Variants in ARHGAP42 observed in about 807,000 individuals in gnomAD.
ARHGAP42 encodes the protein Rho GTPase activating protein 42, also known as rho GTPase-activating protein 42.
ARHGAP42 carries 63 observed loss-of-function variants against 125.0 expected under a neutral mutation model. The observed-to-expected ratio is 0.50, with a 90% CI of 0.41 to 0.62. The LOEUF (loss-of-function observed/expected upper bound fraction) is 0.62. ARHGAP42 is among the 20% of genes least tolerant of loss of function. The probability of loss-of-function intolerance (pLI) is 0.00; values close to 1 mark genes in which losing one functional copy is unlikely to be tolerated. For missense variants in ARHGAP42, 766 were observed against 1,024.2 expected (o/e 0.75, Z 3.44); for synonymous variants, 339 against 351.0 (o/e 0.97, Z 0.38).
intron 4 of ARHGAP42, among the ~76,000 whole-genome samples, chr11:100,884,986 C>T (rs1210278670): frequency 6.6e-6 from 1 of 152,120 alleles, no homozygotes; most frequent in Non-Finnish European, 1.5e-5. Flanking sequence ...GGGAGACTAA[C>T]CTCAGAACAC....
intron 17 of ARHGAP42, among the ~76,000 whole-genome samples, chr11:100,966,949 T>G (rs1858110965): frequency 6.6e-6 from 1 of 152,214 alleles, no homozygotes; most frequent in Admixed American, 6.5e-5. Flanking sequence ...TTGTTCATAA[T>G]TAGTAATAAC....
intron 2 of ARHGAP42, among the ~76,000 whole-genome samples, chr11:100,780,026 A>G (rs2135008478): frequency 6.6e-6 from 1 of 151,736 alleles, no homozygotes; most frequent in East Asian, 1.9e-4. Context: ...ACTCCATCTC[A>G]AAAACTAAAA....
chr11:100,779,445 C>CAAA (rs869248095), intron 2 of ARHGAP42, among the ~76,000 whole-genome samples: 42 of 54,402 alleles, frequency 7.7e-4, no homozygotes, highest in African/African-American at 1.2e-3. Context: ...GACTGCGTCT[C>CAAA]AAAAAAAAAA....
chr11:100,738,601 A>G (rs532059662), intron 1 of ARHGAP42: 40 of 152,338 alleles, frequency 2.6e-4, no homozygotes, highest in African/African-American at 7.7e-4. Flanking sequence ...AATGAGAGGT[A>G]TCATGATTTT....
intron 1 of ARHGAP42, among the ~76,000 whole-genome samples, chr11:100,701,905 T>A (rs1829962898): frequency 6.6e-6 from 1 of 152,142 alleles, no homozygotes; most frequent in Non-Finnish European, 1.5e-5. Flanking sequence ...TTTGCATTCA[T>A]AATTTGACTG....
chr11:100,756,342 G>C (rs999035790), intron 1 of ARHGAP42, among the ~76,000 whole-genome samples: 3 of 151,894 alleles, frequency 2.0e-5, no homozygotes, highest in Non-Finnish European at 4.4e-5. Context: ...AAGCTGCAGT[G>C]AGCAATGATC....
At chr11:100,739,194 T>C (rs1862127852) in intron 1 of ARHGAP42, among the ~76,000 whole-genome samples, 1 of 152,124 alleles carries the variant, frequency 6.6e-6, no homozygotes, top group African/African-American at 2.4e-5. Flanking sequence ...TTGAGATTCA[T>C]TAACTGGTTA....
At chr11:100,867,064 A>G (rs554306808) in intron 4 of ARHGAP42, among the ~76,000 whole-genome samples, 7 of 152,312 alleles carry the variant, frequency 4.6e-5, no homozygotes, top group East Asian at 1.9e-4. Context: ...GTAAACTACA[A>G]TGTAAAAAGA....
chr11:100,707,678 C>T (rs1426899426), intron 1 of ARHGAP42, among the ~76,000 whole-genome samples: 2 of 152,152 alleles, frequency 1.3e-5, no homozygotes, highest in East Asian at 1.9e-4. Context: ...GACATTTACT[C>T]GCATATTCAT....
At chr11:100,912,736 C>T (rs187333117) in intron 4 of ARHGAP42, among the ~76,000 whole-genome samples, 2 of 152,174 alleles carry the variant, frequency 1.3e-5, no homozygotes, top group East Asian at 3.9e-4. Flanking sequence ...AAAGTTACTC[C>T]CTTCTCAGCT....
chr11:100,750,395 C>T (rs530436167), intron 1 of ARHGAP42, among the ~76,000 whole-genome samples: 31 of 141,878 alleles, frequency 2.2e-4, no homozygotes, highest in African/African-American at 6.3e-4. Flanking sequence ...AAGAGAGTGA[C>T]GGGGTGAGTG....
chr11:100,819,653 T>C (rs1042165801), intron 3 of ARHGAP42, among the ~76,000 whole-genome samples: 1 of 152,156 alleles, frequency 6.6e-6, no homozygotes, highest in African/African-American at 2.4e-5. Context: ...AGGATAATAA[T>C]AGCACCGATT....
At chr11:100,820,047 C>T (rs369588033) in intron 3 of ARHGAP42, among the ~76,000 whole-genome samples, 3 of 151,954 alleles carry the variant, frequency 2.0e-5, no homozygotes, top group African/African-American at 4.8e-5. Flanking sequence ...CCACAGGGCT[C>T]GGAGGCAGTA....
chr11:100,792,752 C>CTTTT (rs3063409), intron 2 of ARHGAP42, among the ~76,000 whole-genome samples: 7 of 141,600 alleles, frequency 4.9e-5, no homozygotes, highest in African/African-American at 1.9e-4. Context: ...TTGGAATTTT[C>CTTTT]TTTTTTTTTT....
intron 2 of ARHGAP42, among the ~76,000 whole-genome samples, chr11:100,790,636 G>A (rs1389327798): frequency 6.6e-6 from 1 of 152,130 alleles, no homozygotes; most frequent in Non-Finnish European, 1.5e-5. Context: ...CCTAGAATAA[G>A]AGTTGGTATG....
intron 1 of ARHGAP42, among the ~76,000 whole-genome samples, chr11:100,730,527 G>A (rs540705410): frequency 3.3e-5 from 5 of 152,290 alleles, no homozygotes; most frequent in Admixed American, 1.3e-4. Context: ...GAATATGCAC[G>A]TTAGAGCTTA....
chr11:100,818,692 G>A (rs150842146), intron 3 of ARHGAP42, among the ~76,000 whole-genome samples: 1 of 152,088 alleles, frequency 6.6e-6, no homozygotes, highest in African/African-American at 2.4e-5. Context: ...TGTAAACAGG[G>A]CAGTGAAAGG....
intron 3 of ARHGAP42, among the ~76,000 whole-genome samples, chr11:100,826,467 A>G (rs2034423271): frequency 6.6e-6 from 1 of 152,180 alleles, no homozygotes; most frequent in Non-Finnish European, 1.5e-5. Flanking sequence ...GAATCATTTA[A>G]TACATTTCAA....
chr11:100,852,023 T>C (rs117840491), intron 3 of ARHGAP42, among the ~76,000 whole-genome samples: 2,371 of 152,288 alleles, frequency 0.016, 25 homozygotes, highest in Non-Finnish European at 0.024. Context: ...TTTAACACAC[T>C]GCTGGCCCCA....
Sources: gnomAD v4.1 joint callset for allele counts (sites outside exome capture counted in the v4.1 genomes callset) on GRCh38, gnomAD v4.1.1 for gene constraint, MANE v1.5 for transcripts, NCBI Gene and HGNC (gene_info 2026-07-23, HGNC 2026-07-21) for gene names.